Variants in OCA2 observed in about 807,000 individuals in gnomAD.
OCA2 encodes P protein.
In OCA2, 77 loss-of-function variants were observed where a neutral mutation model predicts 100.2. The observed-to-expected ratio is 0.77, with a 90% CI of 0.64 to 0.93. The LOEUF (loss-of-function observed/expected upper bound fraction) is 0.93. Ranked by LOEUF, OCA2 falls within the 40% of genes least tolerant of loss-of-function variation. The probability of loss-of-function intolerance (pLI) is 0.00; values close to 1 mark genes in which losing one functional copy is unlikely to be tolerated. For synonymous variants in OCA2, 432 were observed against 439.2 expected, an observed-to-expected ratio of 0.98 and a Z score of 0.21; for missense variants, 1,062 against 1,089.1, an observed-to-expected ratio of 0.98 and a Z score of 0.35.
chr15:28,083,336 G>A (rs1357688803), intron 1 of OCA2, among the ~76,000 whole-genome samples: 1 of 152,190 alleles, frequency 6.6e-6, no homozygotes, highest in Non-Finnish European at 1.5e-5. Flanking sequence ...GAAGAAACCT[G>A]AACGACCAAG....
Position 27,870,171 on chromosome 15 carries a change from C to T in OCA2, c.2244+983G>A, listed in dbSNP as rs371369030. Among the ~76,000 whole-genome samples, 10 of 152,296 alleles carry T rather than the reference C, an allele frequency of 6.6e-5. No individual in the cohort carries two copies. In the South Asian group the frequency reaches 1.0e-3, roughly 16 times the overall value. ...GCTCCAGCCCGGGGGTGCCATTGTT[C>T]AGAATACTATACAGGGCGGTGGGAT... On this transcript the variant is annotated intron_variant, in intron 21 of 23. Coordinates refer to ENST00000354638, the MANE Select transcript of OCA2 (RefSeq NM_000275.3).
chr15:27,952,203 T>C (rs1229844087), intron 17 of OCA2, among the ~76,000 whole-genome samples: 1 of 152,212 alleles, frequency 6.6e-6, no homozygotes, highest in Non-Finnish European at 1.5e-5. Context: ...GTCTTCACTG[T>C]TCCTTTCTCT....
chr15:27,921,205 G>GT (rs1476725221), intron 19 of OCA2, among the ~76,000 whole-genome samples: 1 of 151,996 alleles, frequency 6.6e-6, no homozygotes, highest in African/African-American at 2.4e-5. Context: ...CTCAAAAGCA[G>GT]TAACAGAAAA....
chr15:27,975,382 A>G lies in OCA2; in HGVS notation c.1503+7963T>C, dbSNP rs553868429. Among the ~76,000 whole-genome samples, 11 of 152,354 alleles carry G rather than the reference A, an allele frequency of 7.2e-5. No homozygotes were observed. The South Asian group carries it at 2.3e-3, about 32-fold the overall frequency. ...GAACTATTTTTCTACCTATTCTACT[A>G]CAACTTAGGTTTTCCACTAGAAATT... On this transcript the variant is annotated intron_variant, in intron 14 of 23. Transcript: ENST00000354638.
intron 21 of OCA2, among the ~76,000 whole-genome samples, chr15:27,857,203 G>A (rs2035978285): frequency 6.6e-6 from 1 of 152,052 alleles, no homozygotes; most frequent in African/African-American, 2.4e-5. Flanking sequence ...ATTATAAAGA[G>A]GAATCAAATA....
At chr15:28,055,736 A>G (rs915189380) in intron 2 of OCA2, among the ~76,000 whole-genome samples, 3 of 152,186 alleles carry the variant, frequency 2.0e-5, no homozygotes, top group Non-Finnish European at 4.4e-5. Context: ...CCTCACCTGC[A>G]GCCTCCTCGA....
At chr15:27,722,816 C>CTCTT in the OCA2 span, among the ~76,000 whole-genome samples, 1 of 138,414 alleles carries the variant, frequency 7.2e-6, no homozygotes, top group African/African-American at 2.7e-5. Flanking sequence ...CTCTCTCTTT[C>CTCTT]TCTCTCTCTC....
At chr15:27,793,438 T>C (rs1267193844) in intron 23 of OCA2, among the ~76,000 whole-genome samples, 1 of 152,166 alleles carries the variant, frequency 6.6e-6, no homozygotes, top group African/African-American at 2.4e-5. Flanking sequence ...AGATGACTCT[T>C]AGCTGGACCT....
At chr15:27,726,865 A>C in the OCA2 span, among the ~76,000 whole-genome samples, 1 of 152,254 alleles carries the variant, frequency 6.6e-6, no homozygotes, top group Non-Finnish European at 1.5e-5. Context: ...GTTGAGATGG[A>C]TCTCCATTAC....
chr15:27,886,644 C>T (rs950469496), intron 19 of OCA2, among the ~76,000 whole-genome samples: 2 of 152,130 alleles, frequency 1.3e-5, no homozygotes, highest in African/African-American at 4.8e-5. Context: ...TAAGGCATAA[C>T]AGCAAATATT....
intron 23 of OCA2, among the ~76,000 whole-genome samples, chr15:27,832,155 C>A (rs1017971494): frequency 3.3e-5 from 5 of 152,206 alleles, no homozygotes; most frequent in Non-Finnish European, 7.3e-5. Flanking sequence ...TGCGCCTGCA[C>A]CTGATGTGCC....
intron 14 of OCA2, among the ~76,000 whole-genome samples, chr15:27,971,346 A>G (rs1255520528): frequency 6.6e-6 from 1 of 152,208 alleles, no homozygotes; most frequent in East Asian, 1.9e-4. Context: ...CTTTTCAGGT[A>G]TTATTTTAAA....
chr15:27,749,858 TATC>T, the OCA2 span, among the ~76,000 whole-genome samples: 2 of 152,200 alleles, frequency 1.3e-5, no homozygotes. Context: ...TGGAGAGACA[TATC>T]ATGTCCAAGG....
intron 23 of OCA2, among the ~76,000 whole-genome samples, chr15:27,797,299 T>C (rs965345279): frequency 5.3e-5 from 8 of 152,182 alleles, no homozygotes; most frequent in Admixed American, 4.6e-4. Context: ...ATCTTCTTGC[T>C]AGTTACCTGT....
chr15:27,955,367 T>C, intron 16 of OCA2, 152 bp from the exon 17 acceptor site: 1 of 708,670 alleles, frequency 1.4e-6, no homozygotes, highest in South Asian at 1.5e-5. Flanking sequence ...TGGGGCTTCA[T>C]TTGTTGGCTG....
At chr15:27,990,686 C>G (rs145533503) in intron 9 of OCA2, 39 bp from the exon 10 acceptor site, 1 of 1,578,160 alleles carries the variant, frequency 6.3e-7, no homozygotes, top group Non-Finnish European at 8.7e-7. Context: ...TTCCAGTGCA[C>G]GAGGGAGTTA....
intron 23 of OCA2, among the ~76,000 whole-genome samples, chr15:27,761,666 T>C (rs543907118): frequency 6.6e-6 from 1 of 152,172 alleles, no homozygotes; most frequent in African/African-American, 2.4e-5. Flanking sequence ...GCAAAGACAA[T>C]CTTAACAAAG....
chr15:27,748,361 G>C, the OCA2 span, among the ~76,000 whole-genome samples: 1 of 152,074 alleles, frequency 6.6e-6, no homozygotes, highest in African/African-American at 2.4e-5. Flanking sequence ...CATCATCCTA[G>C]GGACACCAGG....
intron 23 of OCA2, among the ~76,000 whole-genome samples, chr15:27,811,553 A>G (rs1276853005): frequency 1.3e-5 from 2 of 152,248 alleles, no homozygotes; most frequent in African/African-American, 2.4e-5. Flanking sequence ...ACCAGCTTTT[A>G]AAGCTTAGAA....
Sources: gnomAD v4.1 joint callset for allele counts (sites outside exome capture counted in the v4.1 genomes callset) on GRCh38, gnomAD v4.1.1 for gene constraint, MANE v1.5 for transcripts, NCBI Gene and HGNC (gene_info 2026-07-23, HGNC 2026-07-21) for gene names.